VWA8: variants seen among roughly 807,000 people sequenced by gnomAD.
VWA8 encodes the protein von Willebrand factor A domain-containing protein 8.
A neutral mutation model predicts 241.5 loss-of-function variants in VWA8; 221 were observed. That is an observed-to-expected ratio of 0.91 (90% confidence interval 0.82 to 1.02). VWA8 has a LOEUF of 1.02. Among genes scored for constraint, VWA8 ranks in the 50% least tolerant of loss-of-function variants. The pLI, the probability that VWA8 is intolerant of heterozygous loss-of-function variation, is 0.00. For missense variants in VWA8, 2,322 were observed against 2,328.7 expected (o/e 1.00, Z 0.06); for synonymous variants, 852 against 827.1 (o/e 1.03, Z -0.52).
chr13:41,674,875 A>G (rs1051755118), intron 36 of VWA8, among the ~76,000 whole-genome samples: 2 of 152,206 alleles, frequency 1.3e-5, no homozygotes, highest in Non-Finnish European at 2.9e-5. Context: ...TACTTCAGAA[A>G]ATACATACAC....
intron 31 of VWA8, 82 bp downstream of exon 31, chr13:41,691,792 A>G (rs2045179740): frequency 9.0e-7 from 1 of 1,114,392 alleles, no homozygotes. Context: ...TTCACTTTAT[A>G]GTAAACAAGT....
intron 12 of VWA8, among the ~76,000 whole-genome samples, chr13:41,837,101 G>A (rs1399942166): frequency 6.6e-6 from 1 of 151,184 alleles, no homozygotes; most frequent in African/African-American, 2.4e-5. Context: ...AAAATATTTT[G>A]TAGAGACAAG....
At chr13:41,714,441 C>A (rs2045336180) in intron 26 of VWA8, among the ~76,000 whole-genome samples, 1 of 151,956 alleles carries the variant, frequency 6.6e-6, no homozygotes, top group South Asian at 2.1e-4. Context: ...CTAGAGAAGG[C>A]AGGGAGAGAA....
rs553346746 is a variant in VWA8 at position 41,872,989 on chromosome 13, GT to G, written c.1081-4513del. Reference sequence around the variant, plus strand: ...GTATCCTCTTTTATTTCATTGAGCAGTGGTTTGTTGTTCTCCTTGAAGAGGT... The same window carrying G: ...GTATCCTCTTTTATTTCATTGAGCAGGGTTTGTTGTTCTCCTTGAAGAGGT... On this transcript the variant is annotated intron_variant, in intron 9 of 44. Transcript: ENST00000379310. 1.2e-4 allele frequency among the ~76,000 whole-genome samples: 18 copies of G among 152,256 alleles called. No homozygotes were observed. The South Asian group carries it at 3.7e-3, about 32-fold the overall frequency.
Position 41,939,086 on chromosome 13 carries a change from G to T in VWA8, c.241+10850C>A, listed in dbSNP as rs139492276. On this transcript the variant is annotated intron_variant, in intron 2 of 44. Coordinates refer to ENST00000379310, the MANE Select transcript of VWA8 (RefSeq NM_015058.2). ...AATCTTTGTGGGCCCTAATTGCTTGGATAAGAGTTCAGTGTGTCCAGTAAA... is the reference window on the plus strand; with the variant it reads ...AATCTTTGTGGGCCCTAATTGCTTGTATAAGAGTTCAGTGTGTCCAGTAAA... Among the ~76,000 whole-genome samples, 256 of 152,260 alleles carry T rather than the reference G, an allele frequency of 1.7e-3. 2 individuals carry two copies. The highest frequency in any genetic ancestry group is 5.7e-3 in the African/African-American group (235 of 41,538).
intron 4 of VWA8, among the ~76,000 whole-genome samples, chr13:41,898,854 G>A (rs368941093): frequency 1.3e-5 from 2 of 152,296 alleles, no homozygotes; most frequent in African/African-American, 2.4e-5. Context: ...GGGGCCTGCA[G>A]GGCCGGCCGG....
intron 2 of VWA8, among the ~76,000 whole-genome samples, chr13:41,913,421 G>T (rs138207902): frequency 8.7e-4 from 132 of 152,270 alleles, no homozygotes; most frequent in Non-Finnish European, 7.6e-4. Flanking sequence ...ACAGACATCT[G>T]TATTACATAA....
At chr13:41,576,446 AC>A (rs773409896) in intron 42 of VWA8, among the ~76,000 whole-genome samples, 1 of 152,252 alleles carries the variant, frequency 6.6e-6, no homozygotes, top group Non-Finnish European at 1.5e-5. Context: ...ATGCTAGCTG[AC>A]AAACAACAAT....
In VWA8 at chr13:41,830,511, T is replaced by C. The variant is rs1272368678; in HGVS notation, c.1700+18A>G. The C allele has an allele frequency of 6.3e-7, 1 of 1,588,476 alleles. No individual in the cohort carries two copies. The highest frequency in any genetic ancestry group is 1.3e-5 in the African/African-American group (1 of 74,130). ...CTTAACAATAAATTAGCAATGGGAG[T>C]AATGGACCCCAAATTACCTCTTCTG... On this transcript the variant is annotated intron_variant, in intron 14 of 44. Coordinates refer to ENST00000379310, the MANE Select transcript of VWA8 (RefSeq NM_015058.2).
chr13:41,741,283 T>G (rs2045567483), intron 21 of VWA8, among the ~76,000 whole-genome samples: 1 of 152,142 alleles, frequency 6.6e-6, no homozygotes, highest in Admixed American at 6.6e-5. Context: ...GATACTTCAA[T>G]CACATACGAT....
intron 35 of VWA8, among the ~76,000 whole-genome samples, chr13:41,684,051 A>T (rs1324534766): frequency 2.0e-5 from 3 of 152,176 alleles, no homozygotes; most frequent in African/African-American, 7.2e-5. Context: ...AATGGATTGT[A>T]AACTTCTACT....
chr13:41,671,277 T>C, intron 36 of VWA8, 130 bp from the exon 37 acceptor site: 1 of 988,596 alleles, frequency 1.0e-6, no homozygotes. Flanking sequence ...TACCTGCTCT[T>C]ACCTCTGTCA....
At chr13:41,684,119 T>A (rs2045118963) in intron 35 of VWA8, among the ~76,000 whole-genome samples, 1 of 152,188 alleles carries the variant, frequency 6.6e-6, no homozygotes, top group African/African-American at 2.4e-5. Context: ...ACTAGAATTG[T>A]CAGTTTATTC....
chr13:41,661,682 A>G (rs1593681600), intron 37 of VWA8, among the ~76,000 whole-genome samples: 1 of 152,294 alleles, frequency 6.6e-6, no homozygotes, highest in African/African-American at 2.4e-5. Context: ...TTAGCTTCAC[A>G]GTCTCTATGT....
intron 9 of VWA8, among the ~76,000 whole-genome samples, chr13:41,870,005 G>A (rs563043729): frequency 5.3e-5 from 8 of 152,122 alleles, no homozygotes; most frequent in African/African-American, 1.7e-4. Flanking sequence ...GATTTGGGAG[G>A]AAGAAAATCA....
chr13:41,906,355 C>T (rs1875717257), intron 4 of VWA8, among the ~76,000 whole-genome samples: 2 of 152,150 alleles, frequency 1.3e-5, no homozygotes, highest in African/African-American at 2.4e-5. Context: ...TTTATGTACA[C>T]TCTGTTAACT....
At chr13:41,673,881 G>T (rs1053906271) in intron 36 of VWA8, among the ~76,000 whole-genome samples, 3 of 152,080 alleles carry the variant, frequency 2.0e-5, no homozygotes, top group Non-Finnish European at 2.9e-5. Flanking sequence ...GATTCATACG[G>T]AAAGTTAAAA....
intron 37 of VWA8, among the ~76,000 whole-genome samples, chr13:41,620,829 C>T (rs1418934450): frequency 6.6e-6 from 1 of 152,126 alleles, no homozygotes; most frequent in African/African-American, 2.4e-5. Flanking sequence ...CTGGTGGAAG[C>T]TATTTGCTAA....
chr13:41,867,770 C>T (rs1010646073), intron 10 of VWA8, among the ~76,000 whole-genome samples: 1 of 152,104 alleles, frequency 6.6e-6, no homozygotes, highest in Admixed American at 6.6e-5. Context: ...GTCCCAGCTA[C>T]TCAGGAGGCT....
Sources: gnomAD v4.1 joint callset for allele counts (sites outside exome capture counted in the v4.1 genomes callset) on GRCh38, gnomAD v4.1.1 for gene constraint, MANE v1.5 for transcripts, NCBI Gene and HGNC (gene_info 2026-07-23, HGNC 2026-07-21) for gene names.